The following UBAC2 variants were observed in gnomAD, a reference collection of about 807,000 sequenced individuals.
UBAC2 encodes the protein ubiquitin-associated domain-containing protein 2.
A neutral mutation model predicts 44.0 loss-of-function variants in UBAC2; 26 were observed. That is an observed-to-expected ratio of 0.59 (90% CI 0.43 to 0.82). The LOEUF is 0.82. Ranked by LOEUF, UBAC2 falls within the 40% of genes least tolerant of loss-of-function variation. The pLI is 0.00. For synonymous variants in UBAC2, 155 were observed against 154.3 expected (o/e 1.00, Z -0.04); for missense variants, 329 against 419.4 (o/e 0.78, Z 1.88).
intron 7 of UBAC2, among the ~76,000 whole-genome samples, chr13:99,349,511 T>A (rs923487892): frequency 2.0e-5 from 3 of 152,112 alleles, no homozygotes; most frequent in Non-Finnish European, 4.4e-5. Context: ...GGTGCGCTGA[T>A]ATTTATTGCA....
chr13:99,226,676 G>C (rs930636856), intron 1 of UBAC2, among the ~76,000 whole-genome samples: 3 of 152,180 alleles, frequency 2.0e-5, no homozygotes, highest in African/African-American at 7.2e-5. Context: ...ATCACCACTT[G>C]TTTGACGTTA....
At chr13:99,296,089 A>G in intron 4 of UBAC2, 19 of 1,613,364 alleles carry the variant, frequency 1.2e-5, no homozygotes, top group Non-Finnish European at 1.6e-5. Flanking sequence ...GGTCACAGTC[A>G]TTTCCCTGAG....
At chr13:99,245,410 C>G (rs1204572470) in intron 4 of UBAC2, among the ~76,000 whole-genome samples, 1 of 152,202 alleles carries the variant, frequency 6.6e-6, no homozygotes, top group Admixed American at 6.5e-5. Flanking sequence ...ACTTTGTAGA[C>G]AACCTGCCGT....
intron 4 of UBAC2, among the ~76,000 whole-genome samples, chr13:99,290,681 C>T (rs1333997737): frequency 4.0e-5 from 6 of 148,874 alleles, no homozygotes; most frequent in South Asian, 2.1e-4. Flanking sequence ...GCCAAGATTG[C>T]GCCACTGCAC....
intron 8 of UBAC2, among the ~76,000 whole-genome samples, chr13:99,373,046 G>A (rs540708526): frequency 6.6e-6 from 1 of 152,086 alleles, no homozygotes; most frequent in Non-Finnish European, 1.5e-5. Flanking sequence ...GTGTGAACCC[G>A]AGAGGCAGAG....
At chr13:99,337,526 A>AT (rs1482277607) in intron 6 of UBAC2, among the ~76,000 whole-genome samples, 2 of 152,000 alleles carry the variant, frequency 1.3e-5, no homozygotes, top group East Asian at 3.8e-4. Flanking sequence ...CTAGATGTAA[A>AT]TTTCGTTTTA....
At chr13:99,309,382 T>A (rs1468829492) in intron 4 of UBAC2, among the ~76,000 whole-genome samples, 1 of 152,180 alleles carries the variant, frequency 6.6e-6, no homozygotes, top group African/African-American at 2.4e-5. Flanking sequence ...GTGCTGGGAT[T>A]ACAGGTGTGA....
intron 4 of UBAC2, among the ~76,000 whole-genome samples, chr13:99,288,026 A>G (rs2044042381): frequency 6.6e-6 from 1 of 152,194 alleles, no homozygotes; most frequent in East Asian, 1.9e-4. Context: ...AAAAAATTTG[A>G]TACTTCATGC....
intron 6 of UBAC2, among the ~76,000 whole-genome samples, chr13:99,334,610 A>G (rs1291349505): frequency 6.6e-6 from 1 of 152,218 alleles, no homozygotes; most frequent in African/African-American, 2.4e-5. Flanking sequence ...TTGAATGCAT[A>G]TTATAACCTC....
At chr13:99,333,109 A>C (rs993495039) in intron 6 of UBAC2, among the ~76,000 whole-genome samples, 1 of 152,188 alleles carries the variant, frequency 6.6e-6, no homozygotes, top group East Asian at 1.9e-4. Flanking sequence ...GGGGGGAAGA[A>C]AGAGAGAGAT....
At chr13:99,350,693 G>T (rs1479279840) in intron 7 of UBAC2, among the ~76,000 whole-genome samples, 1 of 152,222 alleles carries the variant, frequency 6.6e-6, no homozygotes. Flanking sequence ...CCTGAGTTCT[G>T]TGAGCCATCC....
At chr13:99,331,057 G>T (rs2044709799) in intron 6 of UBAC2, among the ~76,000 whole-genome samples, 1 of 152,146 alleles carries the variant, frequency 6.6e-6, no homozygotes, top group African/African-American at 2.4e-5. Context: ...CTTCATAAGG[G>T]AAGGTTCGTT....
chr13:99,225,134 T>C (rs2142696389), intron 1 of UBAC2, among the ~76,000 whole-genome samples: 1 of 152,336 alleles, frequency 6.6e-6, no homozygotes, highest in South Asian at 2.1e-4. Context: ...TATTTAGTTT[T>C]AATTTTTAAT....
chr13:99,260,221 A>G (rs1048432854), intron 4 of UBAC2, among the ~76,000 whole-genome samples: 2 of 152,166 alleles, frequency 1.3e-5, no homozygotes, highest in Non-Finnish European at 2.9e-5. Flanking sequence ...TCATCCCTGC[A>G]GGTTTCCTTA....
At chr13:99,374,786 G>A (rs947341543) in intron 8 of UBAC2, among the ~76,000 whole-genome samples, 2 of 152,172 alleles carry the variant, frequency 1.3e-5, no homozygotes, top group Admixed American at 1.3e-4. Flanking sequence ...CATGGCGTCT[G>A]GTCTCCCTGT....
At chr13:99,270,530 C>G (rs1434243624) in intron 4 of UBAC2, among the ~76,000 whole-genome samples, 1 of 152,140 alleles carries the variant, frequency 6.6e-6, no homozygotes, top group Non-Finnish European at 1.5e-5. Context: ...TTTTACATTT[C>G]TATATCAATG....
chr13:99,262,372 T>C (rs1021736173), intron 4 of UBAC2, among the ~76,000 whole-genome samples: 4 of 152,176 alleles, frequency 2.6e-5, no homozygotes, highest in African/African-American at 7.2e-5. Context: ...AACCACTGTA[T>C]AGTTAACACC....
chr13:99,232,399 G>GAGAGATATATATATATAT (rs1367302629), intron 1 of UBAC2, among the ~76,000 whole-genome samples: 2 of 109,900 alleles, frequency 1.8e-5, no homozygotes, highest in African/African-American at 2.9e-5. Context: ...TTAGTTGAGA[G>GAGAGATATATATATATAT]ATATAGATAT....
At chr13:99,301,636 C>T (rs990880659) in intron 4 of UBAC2, among the ~76,000 whole-genome samples, 21 of 151,274 alleles carry the variant, frequency 1.4e-4, no homozygotes, top group Non-Finnish European at 2.2e-4. Context: ...TCTTTCTAGC[C>T]GCAAAAGGAA....
Sources: gnomAD v4.1 joint callset for allele counts (sites outside exome capture counted in the v4.1 genomes callset) on GRCh38, gnomAD v4.1.1 for gene constraint, MANE v1.5 for transcripts, NCBI Gene and HGNC (gene_info 2026-07-23, HGNC 2026-07-21) for gene names.